GCC2: variants seen among roughly 807,000 people sequenced by gnomAD.
The protein encoded by GCC2 is GRIP and coiled-coil domain containing 2.
A neutral mutation model predicts 210.6 loss-of-function variants in GCC2; 120 were observed. The observed-to-expected ratio is 0.57, with a 90% CI of 0.49 to 0.66. The LOEUF is 0.66. GCC2 is among the 30% of genes least tolerant of loss of function. The pLI, the probability that GCC2 is intolerant of heterozygous loss-of-function variation, is 0.00. For missense variants in GCC2, 1,868 were observed against 1,871.9 expected, an observed-to-expected ratio of 1.00 and a Z score of 0.04; for synonymous variants, 703 against 652.7, an observed-to-expected ratio of 1.08 and a Z score of -1.17.
rs547109263 is a variant in GCC2 at position 108,475,936 on chromosome 2, T to C, written c.3060+86T>C. The stretch of plus-strand genomic sequence containing the variant: ...GAAATGTAGTGGAAATGTAAAACTA[T>C]TGTCAACAAAACAATCACCTTGTAT... On this transcript the variant is annotated intron_variant, in intron 9 of 22. Coordinates refer to ENST00000309863, the MANE Select transcript of GCC2 (RefSeq NM_181453.4). 4.3e-6 allele frequency: 3 copies of C among 693,282 alleles called. No homozygotes were observed. In the African/African-American group the frequency reaches 5.6e-5, roughly 13 times the overall value. 42.9% of individuals were successfully genotyped at this position (693,282 alleles called of 1,614,324 possible).
chr2:108,502,897 C>T lies in GCC2; in HGVS notation c.4984+3143C>T, dbSNP rs187143800. Among the ~76,000 whole-genome samples, 90 of 145,766 alleles carry T rather than the reference C, an allele frequency of 6.2e-4. No individual in the cohort carries two copies. The East Asian group carries it at 0.015, about 24-fold the overall frequency. On this transcript the variant is annotated intron_variant, in intron 22 of 22. Transcript: ENST00000309863. ...GAGATGGTGCCATTGCACTCCAGCCCGAGCAACAAGAGCAAAACCCTGTCT... is the reference window on the plus strand; with the variant it reads ...GAGATGGTGCCATTGCACTCCAGCCTGAGCAACAAGAGCAAAACCCTGTCT...
At chr2:108,458,194 T>C (rs1680366687) in intron 4 of GCC2, among the ~76,000 whole-genome samples, 1 of 152,130 alleles carries the variant, frequency 6.6e-6, no homozygotes, top group African/African-American at 2.4e-5. Context: ...CTTTTGCCCT[T>C]TATTCTGTTG....
At chr2:108,477,416 T>C (rs73954353) in intron 9 of GCC2, among the ~76,000 whole-genome samples, 3,846 of 152,206 alleles carry the variant, frequency 0.025, 161 homozygotes, top group African/African-American at 0.088. Context: ...GAGGCATAAA[T>C]AGATGAAGGA....
rs1814328 is a variant in GCC2 at position 108,509,411 on chromosome 2, T to A, written c.*1781T>A. ...ATGTTTAACTGTATATTTTTATGGC[T>A]GCTCTTTTATGTTACACACTGTCTC... On this transcript the variant is annotated 3_prime_UTR_variant, in exon 23 of 23. Transcript: ENST00000309863. 54 of 152,330 alleles carry A rather than the reference T, an allele frequency of 3.5e-4. No individual in the cohort carries two copies. Among genetic ancestry groups the A allele is most frequent in the Non-Finnish European group, 4.9e-4 (33 of 68,028 alleles). 9.4% of individuals were successfully genotyped at this position (152,330 alleles called of 1,614,324 possible). A position where few individuals can be genotyped will look rare whatever the true frequency, so the allele number is the denominator to read the frequency against.
In GCC2 at chr2:108,484,244, G is replaced by T. The variant is rs781485417; in HGVS notation, c.3546G>T (p.Lys1182Asn). 1.9e-6 allele frequency: 3 copies of T among 1,576,268 alleles called. No homozygotes were observed. The highest frequency in any genetic ancestry group is 2.3e-5 in the East Asian group (1 of 44,426). ...AAAAGTTAACTAATAAAAACAACAA[G>T]ATAGAAGATTTGGAGCAAGAAATAA... is the stretch of plus-strand genomic sequence containing the variant. ...LNQKLTNKNN[K>N]IEDLEQEIKI... is the part of the protein sequence containing the mutation. The change falls in exon 13 of 23, where the codon AAG (lysine) becomes AAT (asparagine). Residue 1182 changes from lysine (K) to asparagine (N), a missense_variant. Around this residue, in one of 3 missense-constraint regions of GCC2, gnomAD observed 1,847 missense variants for 1,765.2 expected, o/e 1.05. Transcript: ENST00000309863.
At chr2:108,452,747 G>A (rs1680018508) in intron 4 of GCC2, among the ~76,000 whole-genome samples, 2 of 138,920 alleles carry the variant, frequency 1.4e-5, no homozygotes, top group South Asian at 4.5e-4. Flanking sequence ...AGGCTGAAGT[G>A]CAGTGGTGTG....
Position 108,469,684 on chromosome 2 carries a change from G to A in GCC2, c.355G>A (p.Glu119Lys). The A allele has an allele frequency of 6.2e-7, 1 of 1,606,642 alleles. No individual in the cohort carries two copies. The highest frequency in any genetic ancestry group is 8.5e-7 in the Non-Finnish European group (1 of 1,177,320). ...SVTKMGDAHK[E>K]LEQSHINYVK... The stretch of plus-strand genomic sequence containing the variant: ...AACAAAGATGGGAGATGCACATAAG[G>A]AGTTGGAACAATCACATATAAACTA... Residue 119 changes from glutamate (E) to lysine (K), a missense_variant, in exon 6 of 23, where the codon GAG (glutamate) becomes AAG (lysine). Physicochemically the swap from Glu to Lys is moderately conservative, Grantham distance 56. Around this residue, in one of 3 missense-constraint regions of GCC2, gnomAD observed 1,847 missense variants for 1,765.2 expected, o/e 1.05. Transcript: ENST00000309863.
intron 4 of GCC2, among the ~76,000 whole-genome samples, chr2:108,457,494 A>G (rs1680333170): frequency 2.0e-5 from 3 of 152,062 alleles, no homozygotes; most frequent in Admixed American, 6.6e-5. Flanking sequence ...TCATGAAAAC[A>G]TTAGGATTCT....
At chr2:108,487,633 T>G (rs946955299) in intron 16 of GCC2, 66 bp from the exon 17 acceptor site, 2 of 1,404,956 alleles carry the variant, frequency 1.4e-6, no homozygotes, top group Non-Finnish European at 1.9e-6. Flanking sequence ...AATTTGTTAA[T>G]CTCTGAAAGA....
intron 22 of GCC2, among the ~76,000 whole-genome samples, chr2:108,505,111 C>G (rs1683121100): frequency 6.6e-6 from 1 of 152,240 alleles, no homozygotes; most frequent in Non-Finnish European, 1.5e-5. Flanking sequence ...CTGCCAGGAA[C>G]ATTGTTTGCA....
chr2:108,497,351 C>T (rs1236327117), intron 21 of GCC2, among the ~76,000 whole-genome samples: 38 of 152,276 alleles, frequency 2.5e-4, no homozygotes, highest in Non-Finnish European at 4.4e-4. Context: ...CTCCTGACCT[C>T]GTGATCCGCC....
In GCC2 at chr2:108,449,666, A is replaced by G. The variant is rs757986667; in HGVS notation, c.40A>G (p.Thr14Ala). ...TCAAGATGGGGTGGCTTCACCAGCT[A>G]CCCCTGGGACCGGGAAATCTAAGGT... ...LVQDGVASPA[T>A]PGTGKSKLET... Residue 14 changes from threonine to alanine, a missense_variant, in exon 2 of 23, where the codon ACC becomes GCC. Physicochemically the swap from Thr to Ala is moderately conservative, Grantham distance 58. Around this residue, in one of 3 missense-constraint regions of GCC2, gnomAD observed 1,847 missense variants for 1,765.2 expected, o/e 1.05. Transcript: ENST00000309863. The G allele has an allele frequency of 3.7e-6, 6 of 1,613,616 alleles. No homozygotes were observed. The South Asian group carries it at 5.5e-5, about 15-fold the overall frequency.
At chr2:108,495,741 G>A (rs2917989) in intron 20 of GCC2, 15 of 237,356 alleles carry the variant, frequency 6.3e-5, no homozygotes, top group East Asian at 1.0e-4. Context: ...CTGAGGAGCA[G>A]TGAGAGCCAG....
At chr2:108,472,238 C>A in intron 6 of GCC2, 122 bp downstream of exon 6, 1 of 576,872 alleles carries the variant, frequency 1.7e-6, no homozygotes, top group Non-Finnish European at 2.8e-6. Context: ...GCCCAAGTGG[C>A]AACTTTCTGA....
Position 108,449,249 on chromosome 2 carries a change from T to TGCGGGCCGGCG in GCC2, c.-19_-9dup, listed in dbSNP as rs1368187862. ...AAGTGCAGCGGTGGCGGCGGCTGGTTGCGGGCCGGCGGCGGGCTGGCGGAG... is the reference window on the plus strand; with the variant it reads ...AAGTGCAGCGGTGGCGGCGGCTGGTTGCGGGCCGGCGGCGGGCCGGCGGCGGGCTGGCGGAG... On this transcript the variant is annotated 5_prime_UTR_variant, in exon 1 of 23. Coordinates refer to ENST00000309863, the MANE Select transcript of GCC2 (RefSeq NM_181453.4). 3.2e-6 allele frequency: 5 copies of TGCGGGCCGGCG among 1,548,662 alleles called. No individual in the cohort carries two copies. In the East Asian group the frequency reaches 1.2e-4, roughly 38 times the overall value.
chr2:108,472,803 T>C (rs149724296), intron 6 of GCC2, 24 bp from the exon 7 acceptor site: 4 of 1,398,720 alleles, frequency 2.9e-6, no homozygotes, highest in Non-Finnish European at 4.0e-6. Flanking sequence ...TGTTTTGTGT[T>C]TTTTTTTCCC....
chr2:108,451,047 A>G lies in GCC2; in HGVS notation c.83A>G (p.Glu28Gly). Residue 28 changes from glutamate to glycine, a missense_variant, in exon 3 of 23, where the codon GAA (glutamate) becomes GGA (glycine). Glu to Gly is a moderately conservative substitution (Grantham distance 98). Transcript: ENST00000309863. ...GKSKLETLPK[E>G]DLIKFAKKQM... ...TTTCAGCTGGAAACATTGCCCAAAG[A>G]AGACCTCATCAAGTTTGCCAAGAAA... 1.9e-6 allele frequency: 3 copies of G among 1,612,550 alleles called. No homozygotes were observed. The highest frequency in any genetic ancestry group is 2.5e-6 in the Non-Finnish European group (3 of 1,178,552).
chr2:108,481,992 CTTA>C (rs1681882769), intron 10 of GCC2, among the ~76,000 whole-genome samples, 176 bp downstream of exon 10: 1 of 152,098 alleles, frequency 6.6e-6, no homozygotes. Flanking sequence ...AACTATCTTG[CTTA>C]TTATTCTAAT....
chr2:108,459,745 C>G lies in GCC2; in HGVS notation c.216+7279C>G, dbSNP rs200321261. ...GCCATTAGATAATGACCTTCTTTGT[C>G]TTTTTTTTTTTTTTTTTTTTTTTTT... On this transcript the variant is annotated intron_variant, in intron 4 of 22. Transcript: ENST00000309863. Among the ~76,000 whole-genome samples, 3 of 26,764 alleles carry G rather than the reference C, an allele frequency of 1.1e-4. No individual in the cohort carries two copies. The South Asian group carries it at 7.4e-3, about 66-fold the overall frequency. The allele number at this position is 26,764 out of a possible 152,430, so 17.6% of individuals were successfully genotyped here.
Sources: allele counts gnomAD v4.1 joint callset (sites outside exome capture counted in the v4.1 genomes callset), GRCh38; gene constraint gnomAD v4.1.1; regional missense constraint gnomAD v4.1.1; transcripts MANE v1.5; gene names NCBI Gene and HGNC (gene_info 2026-07-23, HGNC 2026-07-21).